MEAK7: variants seen among roughly 807,000 people sequenced by gnomAD.
MEAK7 encodes the protein MTOR-associated protein MEAK7.
MEAK7 carries 68 observed loss-of-function variants against 40.5 expected under a neutral mutation model. That is an observed-to-expected ratio of 1.68 (90% CI 1.38 to 2.06). The LOEUF is 2.06. MEAK7 is among the 30% of genes most tolerant of loss of function. MEAK7 has a pLI of 0.00. For missense variants in MEAK7, 918 were observed against 580.5 expected, an observed-to-expected ratio of 1.58 and a Z score of -5.98; for synonymous variants, 338 against 231.9, an observed-to-expected ratio of 1.46 and a Z score of -4.16.
At chr16:84,481,205 G>A (rs939666555) in intron 6 of MEAK7, among the ~76,000 whole-genome samples, 26 of 152,310 alleles carry the variant, frequency 1.7e-4, no homozygotes, top group Admixed American at 3.3e-4. Context: ...AGGCAGACCC[G>A]GAGGCGGATG....
chr16:84,482,211 C>T (rs1326217543), intron 6 of MEAK7, among the ~76,000 whole-genome samples: 1 of 152,202 alleles, frequency 6.6e-6, no homozygotes, highest in Non-Finnish European at 1.5e-5. Flanking sequence ...GAGCTGCCGG[C>T]CGTCCATTCC....
chr16:84,486,820 G>T lies in MEAK7; in HGVS notation c.769C>A (p.Gln257Lys). The T allele has an allele frequency of 3.1e-6, 5 of 1,614,034 alleles. No individual in the cohort carries two copies. Among genetic ancestry groups the T allele is most frequent in the Non-Finnish European group, 3.4e-6 (4 of 1,179,894 alleles). Residue 257 changes from glutamine (Q) to lysine (K), a missense_variant, in exon 5 of 8, where the codon CAG becomes AAG. Coordinates refer to ENST00000343629, the MANE Select transcript of MEAK7 (RefSeq NM_020947.4). ...DVLSVMYINA[Q>K]LPREQRHRWC... ...CGGTGCCGCTGCTCCCGAGGCAGCT[G>T]GGCGTTGATGTACATGACAGAGAGG...
At chr16:84,499,616 T>A (rs1264791796) in intron 1 of MEAK7, among the ~76,000 whole-genome samples, 1 of 152,166 alleles carries the variant, frequency 6.6e-6, no homozygotes, top group Non-Finnish European at 1.5e-5. Flanking sequence ...CCAAAACATG[T>A]TCATCACCCT....
chr16:84,496,584 G>C (rs62050763), intron 2 of MEAK7, among the ~76,000 whole-genome samples: 9 of 152,136 alleles, frequency 5.9e-5, no homozygotes, highest in African/African-American at 2.2e-4. Flanking sequence ...ATCGTGAGCC[G>C]TATCAGTAGT....
rs778783428 is a variant in MEAK7, at chr16:84,489,260, G to A, written c.529+18C>T. The A allele has an allele frequency of 1.2e-5, 19 of 1,612,206 alleles. No homozygotes were observed. The highest frequency in any genetic ancestry group is 8.0e-5 in the African/African-American group (6 of 74,894). ...TCTACAGCAAAAGACCTGCATCACC[G>A]CGTCCACGCACACTTGCCTTGCAGC... On this transcript the variant is annotated intron_variant, in intron 4 of 7. Coordinates refer to ENST00000343629, the MANE Select transcript of MEAK7 (RefSeq NM_020947.4).
At chr16:84,497,050 T>TTCTG (rs1914108099) in intron 2 of MEAK7, 1 of 165,014 alleles carries the variant, frequency 6.1e-6, no homozygotes, top group Admixed American at 5.9e-5. Flanking sequence ...TTTTTTGGTT[T>TTCTG]TTTGTTTGTT....
intron 3 of MEAK7, among the ~76,000 whole-genome samples, chr16:84,492,740 C>G (rs995921108): frequency 6.6e-6 from 1 of 152,098 alleles, no homozygotes; most frequent in African/African-American, 2.4e-5. Flanking sequence ...TGCCACCACG[C>G]CTGGCCAATT....
rs762756945 is a variant in MEAK7 at position 84,479,945 on chromosome 16, C to T, written c.1339G>A (p.Glu447Lys). ...LEISGHSRHS[E>K]GLREVPDDE ...TCGTCCGGGACTTCCCGGAGCCCTT[C>T]GCTGTGGCGCGAATGCCCACTGATC... is the stretch of plus-strand genomic sequence containing the variant. Residue 447 changes from glutamate (E) to lysine (K), a missense_variant, in exon 8 of 8, where the codon GAA becomes AAA. By Grantham distance (56) the Glu-to-Lys change is moderately conservative (BLOSUM62 1). Transcript: ENST00000343629. 5.0e-6 allele frequency: 8 copies of T among 1,609,820 alleles called. No homozygotes were observed. In the Admixed American group the frequency reaches 5.0e-5, roughly 10 times the overall value.
intron 3 of MEAK7, among the ~76,000 whole-genome samples, chr16:84,493,841 G>A (rs1370331324): frequency 6.6e-6 from 1 of 152,122 alleles, no homozygotes; most frequent in Non-Finnish European, 1.5e-5. Context: ...GCTGATAAAA[G>A]CCACTGGACA....
At chr16:84,483,560 G>C (rs892712957) in intron 5 of MEAK7, among the ~76,000 whole-genome samples, 1 of 152,210 alleles carries the variant, frequency 6.6e-6, no homozygotes, top group African/African-American at 2.4e-5. Flanking sequence ...AGCAAATTGG[G>C]GGCACCATGA....
At chr16:84,492,828 C>T (rs985689348) in intron 3 of MEAK7, among the ~76,000 whole-genome samples, 13 of 152,098 alleles carry the variant, frequency 8.5e-5, no homozygotes, top group Non-Finnish European at 1.9e-4. Context: ...ATAATCCACC[C>T]ACCTTGGCCT....
chr16:84,483,516 G>A (rs1027403779), intron 5 of MEAK7, among the ~76,000 whole-genome samples: 13 of 152,334 alleles, frequency 8.5e-5, no homozygotes, highest in Admixed American at 1.3e-4. Flanking sequence ...ATTTGGGGTT[G>A]GGCTATTCAT....
At position 84,485,673 on chromosome 16, in the gene MEAK7, CCTAT is replaced by C. The variant is rs201436650; in HGVS notation, c.958+954_958+957del. Among the ~76,000 whole-genome samples, 88 of 147,744 alleles carry C rather than the reference CCTAT, an allele frequency of 6.0e-4. 1 individual carries two copies. In the East Asian group the frequency reaches 6.8e-3, roughly 11 times the overall value. ...ATCCATCCATCCATCCATCTATCTA[CCTAT>C]CTATCTATCTATCTATCTATCTAGA... On this transcript the variant is annotated intron_variant, in intron 5 of 7. Coordinates refer to ENST00000343629, the MANE Select transcript of MEAK7 (RefSeq NM_020947.4).
Position 84,497,995 on chromosome 16 carries a change from A to G in MEAK7, c.92T>C (p.Leu31Pro). 1 of 1,614,218 alleles carries G rather than the reference A, an allele frequency of 6.2e-7. No homozygotes were observed. Among genetic ancestry groups the G allele is most frequent in the Non-Finnish European group, 8.5e-7 (1 of 1,180,030 alleles). The change falls in exon 2 of 8, where the codon CTG becomes CCG. Residue 31 changes from leucine (L) to proline (P), a missense_variant. By Grantham distance (98) the Leu-to-Pro change is moderately conservative. Transcript: ENST00000343629. ...QAEIDQLFDA[L>P]SSDKNSPNVS... ...ATTCGGGCTGTTTTTATCTGATGAC[A>G]GAGCATCAAACAATTGATCAATCTC...
intron 5 of MEAK7, 165 bp downstream of exon 5, chr16:84,486,460 TGTGATA>T (rs1340927307): frequency 1.4e-6 from 2 of 1,415,504 alleles, no homozygotes; most frequent in African/African-American, 2.9e-5. Flanking sequence ...AGAACTCTGA[TGTGATA>T]AACACCATAG....
chr16:84,489,461 C>T (rs781631459), intron 3 of MEAK7, 39 bp from the exon 4 acceptor site: 88 of 1,575,408 alleles, frequency 5.6e-5, no homozygotes, highest in Non-Finnish European at 7.3e-5. Flanking sequence ...ACAGTTCCAC[C>T]ATATCCTGAG....
intron 7 of MEAK7, 119 bp downstream of exon 7, chr16:84,480,410 G>C: frequency 4.9e-6 from 6 of 1,218,002 alleles, no homozygotes; most frequent in Non-Finnish European, 6.7e-6. Flanking sequence ...CAGCTACCAG[G>C]ATCAAATTTG....
At chr16:84,481,013 T>G (rs528713320) in intron 6 of MEAK7, among the ~76,000 whole-genome samples, 119 of 151,958 alleles carry the variant, frequency 7.8e-4, no homozygotes, top group Admixed American at 2.0e-3. Context: ...TAAATATATA[T>G]AGAGAAAGAG....
chr16:84,477,769 C>T lies in MEAK7; in HGVS notation c.*2144G>A, dbSNP rs553845255. 3.9e-5 allele frequency: 6 copies of T among 152,260 alleles called. No individual in the cohort carries two copies. The highest frequency in any genetic ancestry group is 8.8e-5 in the Non-Finnish European group (6 of 68,034). The allele number at this position is 152,260 out of a possible 1,614,324, so 9.4% of individuals were successfully genotyped here. ...AAGGTACTGTCAGGTCCACTGGCCC[C>T]AGCCCTGCACACGCCCTAAAAAGGT... is the stretch of plus-strand genomic sequence containing the variant. On this transcript the variant is annotated 3_prime_UTR_variant, in exon 8 of 8. Transcript: ENST00000343629.
Sources: gnomAD v4.1 joint callset for allele counts (sites outside exome capture counted in the v4.1 genomes callset) on GRCh38, gnomAD v4.1.1 for gene constraint, MANE v1.5 for transcripts, NCBI Gene and HGNC (gene_info 2026-07-23, HGNC 2026-07-21) for gene names.